Variants in LOC128125817 observed in about 807,000 individuals in gnomAD.
the LOC128125817 span, among the ~76,000 whole-genome samples, chr1:41,606,419 G>A: frequency 4.1e-4 from 63 of 151,918 alleles, no homozygotes; most frequent in South Asian, 2.9e-3. Context: ...CTCATCGACA[G>A]TATAATTAAG....
the LOC128125817 span, among the ~76,000 whole-genome samples, chr1:41,628,422 C>T: frequency 6.6e-6 from 1 of 152,126 alleles, no homozygotes; most frequent in Admixed American, 6.6e-5. Flanking sequence ...GCTGTGGCCC[C>T]TGGAGAGGGG....
the LOC128125817 span, among the ~76,000 whole-genome samples, chr1:41,628,415 G>T: frequency 6.6e-6 from 1 of 152,208 alleles, no homozygotes; most frequent in Admixed American, 6.5e-5. Flanking sequence ...TGTGGAGGCT[G>T]TGGCCCCTGG....
At chr1:41,589,569 C>G in the LOC128125817 span, among the ~76,000 whole-genome samples, 3 of 152,222 alleles carry the variant, frequency 2.0e-5, no homozygotes, top group African/African-American at 7.2e-5. Flanking sequence ...AGGGTGGACA[C>G]CCCAGAGGAC....
At chr1:41,620,618 C>T in the LOC128125817 span, among the ~76,000 whole-genome samples, 333 of 152,298 alleles carry the variant, frequency 2.2e-3, 1 homozygote, top group South Asian at 4.8e-3. Flanking sequence ...TCACCTGCCC[C>T]ACCCAGCACG....
the LOC128125817 span, among the ~76,000 whole-genome samples, chr1:41,622,738 C>G: frequency 1.3e-5 from 2 of 152,184 alleles, no homozygotes; most frequent in African/African-American, 4.8e-5. Flanking sequence ...ACGTTTCTAT[C>G]ACTCTCGGAT....
At chr1:41,595,543 A>G in the LOC128125817 span, among the ~76,000 whole-genome samples, 3 of 152,286 alleles carry the variant, frequency 2.0e-5, no homozygotes, top group African/African-American at 4.8e-5. Flanking sequence ...CTATGGGAAG[A>G]TGTTGATGGT....
At chr1:41,590,518 G>A in the LOC128125817 span, among the ~76,000 whole-genome samples, 1 of 152,228 alleles carries the variant, frequency 6.6e-6, no homozygotes, top group East Asian at 1.9e-4. Flanking sequence ...GTGACCACAT[G>A]GACAAGAACA....
At chr1:41,626,471 C>T in the LOC128125817 span, among the ~76,000 whole-genome samples, 5 of 152,290 alleles carry the variant, frequency 3.3e-5, no homozygotes, top group African/African-American at 9.6e-5. Flanking sequence ...TGAGCCCACA[C>T]GGACAAACAA....
the LOC128125817 span, among the ~76,000 whole-genome samples, chr1:41,601,412 C>T: frequency 1.3e-5 from 2 of 152,040 alleles, no homozygotes; most frequent in African/African-American, 4.8e-5. Context: ...TTGTTTGTGT[C>T]TTCTTTAATT....
chr1:41,607,301 G>A, the LOC128125817 span, among the ~76,000 whole-genome samples: 1 of 152,206 alleles, frequency 6.6e-6, no homozygotes, highest in African/African-American at 2.4e-5. Context: ...TGCTTTCTGG[G>A]AGGTTTTCTT....
At chr1:41,590,450 C>T in the LOC128125817 span, among the ~76,000 whole-genome samples, 2 of 152,202 alleles carry the variant, frequency 1.3e-5, no homozygotes, top group African/African-American at 4.8e-5. Flanking sequence ...AAAGTGCTTG[C>T]CCTCCACCTC....
chr1:41,589,474 C>T, the LOC128125817 span, among the ~76,000 whole-genome samples: 94 of 152,278 alleles, frequency 6.2e-4, 2 homozygotes, highest in African/African-American at 2.2e-3. Flanking sequence ...GAGCCCGGGG[C>T]CAAGGCAGGG....
At chr1:41,595,836 T>C in the LOC128125817 span, among the ~76,000 whole-genome samples, 6 of 152,178 alleles carry the variant, frequency 3.9e-5, no homozygotes, top group South Asian at 2.1e-4. Context: ...CCCTCAAACA[T>C]TGGACGCCAA....
the LOC128125817 span, among the ~76,000 whole-genome samples, chr1:41,592,470 T>G: frequency 6.6e-6 from 1 of 152,222 alleles, no homozygotes; most frequent in Non-Finnish European, 1.5e-5. Context: ...ATATTGACCT[T>G]AAGCTGAGGA....
the LOC128125817 span, among the ~76,000 whole-genome samples, chr1:41,617,359 G>A: frequency 2.6e-5 from 4 of 152,306 alleles, no homozygotes; most frequent in Non-Finnish European, 5.9e-5. Flanking sequence ...TCCTAATAAT[G>A]AGCCATGTCA....
the LOC128125817 span, among the ~76,000 whole-genome samples, chr1:41,609,545 A>G: frequency 6.6e-6 from 1 of 152,402 alleles, no homozygotes; most frequent in South Asian, 2.1e-4. Flanking sequence ...TAAGTGTACC[A>G]GGAGAAAGGG....
the LOC128125817 span, among the ~76,000 whole-genome samples, chr1:41,625,149 C>A: frequency 2.9e-5 from 3 of 103,768 alleles, no homozygotes; most frequent in African/African-American, 1.2e-4. Context: ...GCTGACAGAG[C>A]GAGATTCCAA....
chr1:41,613,088 A>T, the LOC128125817 span, among the ~76,000 whole-genome samples: 1 of 152,246 alleles, frequency 6.6e-6, no homozygotes, highest in Admixed American at 6.5e-5. Context: ...AGCCAGGAGC[A>T]CTGGGCGCGG....
the LOC128125817 span, among the ~76,000 whole-genome samples, chr1:41,586,304 T>C: frequency 6.6e-6 from 1 of 152,070 alleles, no homozygotes; most frequent in Non-Finnish European, 1.5e-5. Flanking sequence ...AGGAACAGGG[T>C]CGGAATCCCA....
Sources: gnomAD v4.1 joint callset for allele counts (sites outside exome capture counted in the v4.1 genomes callset) on GRCh38, gnomAD v4.1.1 for gene constraint, MANE v1.5 for transcripts.